SNX27: variants seen among roughly 807,000 people sequenced by gnomAD.
SNX27 encodes sorting nexin 27, also known as sorting nexin-27.
A neutral mutation model predicts 71.6 loss-of-function variants in SNX27; 22 were observed. That is an observed-to-expected ratio of 0.31 (90% CI 0.22 to 0.44). The LOEUF is 0.44. SNX27 is among the 20% of genes least tolerant of loss of function. The pLI is 1.00. For synonymous variants in SNX27, 269 were observed against 277.2 expected, an observed-to-expected ratio of 0.97 and a Z score of 0.29; for missense variants, 531 against 698.6, an observed-to-expected ratio of 0.76 and a Z score of 2.70.
chr1:151,688,799 G>A (rs1353625991), intron 8 of SNX27, among the ~76,000 whole-genome samples: 1 of 152,036 alleles, frequency 6.6e-6, no homozygotes, highest in East Asian at 1.9e-4. Flanking sequence ...TAGTAAGCAT[G>A]ATACTACCTG....
intron 2 of SNX27, among the ~76,000 whole-genome samples, chr1:151,648,307 G>A (rs1669153910): frequency 6.6e-6 from 1 of 152,152 alleles, no homozygotes; most frequent in Admixed American, 6.5e-5. Context: ...CGCCAGCCTT[G>A]GCCACCCAAA....
intron 1 of SNX27, among the ~76,000 whole-genome samples, chr1:151,620,840 C>T (rs1571757398): frequency 6.6e-6 from 1 of 152,018 alleles, no homozygotes; most frequent in Non-Finnish European, 1.5e-5. Flanking sequence ...CAGGTGTGCA[C>T]CACCATGCCC....
intron 2 of SNX27, among the ~76,000 whole-genome samples, chr1:151,650,086 C>T (rs1338028702): frequency 6.6e-6 from 1 of 152,066 alleles, no homozygotes; most frequent in Non-Finnish European, 1.5e-5. Context: ...CAGGGTTTTA[C>T]CATGTTGGTC....
chr1:151,619,450 C>T (rs893520787), intron 1 of SNX27, among the ~76,000 whole-genome samples: 58 of 152,150 alleles, frequency 3.8e-4, no homozygotes, highest in African/African-American at 1.4e-3. Flanking sequence ...TAGGCGTATG[C>T]CACCATGCCC....
rs1047841144 is a variant in SNX27, at chr1:151,612,678, C to T, written c.311+166C>T. Among the ~76,000 whole-genome samples the T allele has an allele frequency of 6.6e-6, 1 of 152,058 alleles. No individual in the cohort carries two copies. Among genetic ancestry groups the T allele is most frequent in the East Asian group, 1.9e-4 (1 of 5,142 alleles). The stretch of plus-strand genomic sequence containing the variant: ...AGCCGGGCCCCTCCTTGTGGGCTGC[C>T]CTCCCACCACCCGCCCCGGGGCTTC... On this transcript the variant is annotated intron_variant, in intron 1 of 11. Coordinates refer to ENST00000458013, the MANE Select transcript of SNX27 (RefSeq NM_001330723.2). This position sits in a 1 kb window ranked among gnomAD's most constrained non-coding sequence, Gnocchi z 5.2.
chr1:151,683,387 A>G lies in SNX27; in HGVS notation c.1181A>G (p.Lys394Arg), dbSNP rs1558073082. 6.2e-7 allele frequency: 1 copy of G among 1,613,818 alleles called. No individual in the cohort carries two copies. Reference protein sequence around the residue: ...AVDDVKKGYIKAEEKSYQLQK... With the variant: ...AVDDVKKGYIRAEEKSYQLQK... Reference sequence around the variant, plus strand: ...GATGATGTGAAGAAAGGTTACATCAAAGCAGAAGAAAAGTCCTATCAATTA... The same window carrying G: ...GATGATGTGAAGAAAGGTTACATCAGAGCAGAAGAAAAGTCCTATCAATTA... The change falls in exon 8 of 12, where the codon AAA becomes AGA. Residue 394 changes from lysine to arginine, a missense_variant. Transcript: ENST00000458013.
intron 1 of SNX27, among the ~76,000 whole-genome samples, chr1:151,631,108 C>T (rs1002472269): frequency 3.9e-5 from 6 of 152,222 alleles, no homozygotes; most frequent in African/African-American, 1.4e-4. Flanking sequence ...AGGAGACAAA[C>T]TGAACCAGTC....
chr1:151,662,163 C>T lies in SNX27; in HGVS notation c.802-3C>T. 2 of 1,609,026 alleles carry T rather than the reference C, an allele frequency of 1.2e-6. No individual in the cohort carries two copies. Among genetic ancestry groups the T allele is most frequent in the Non-Finnish European group, 1.7e-6 (2 of 1,175,900 alleles). On this transcript the variant is annotated splice_region_variant and splice_polypyrimidine_tract_variant and intron_variant, in intron 4 of 11. Transcript: ENST00000458013. The stretch of plus-strand genomic sequence containing the variant: ...AATTATTTCTCTATGTCTTTTCCCC[C>T]AGAACTACAATGGTGTGTCCGACGT...
chr1:151,656,252 A>G (rs544282754), intron 2 of SNX27, among the ~76,000 whole-genome samples: 2 of 151,320 alleles, frequency 1.3e-5, no homozygotes, highest in South Asian at 4.2e-4. Flanking sequence ...AAGACCAGTG[A>G]CAAACTGGAA....
At position 151,665,484 on chromosome 1, in the gene SNX27, A is replaced by G. The variant is rs1446514448; in HGVS notation, c.907-449A>G. ...TATTTTACACTCTAGAATCAAATAT[A>G]TAGTTTTTTTGTGTTAATGTATTAA... On this transcript the variant is annotated intron_variant, in intron 5 of 11. Transcript: ENST00000458013. Among the ~76,000 whole-genome samples the G allele has an allele frequency of 3.9e-5, 6 of 152,206 alleles. No homozygotes were observed. In the South Asian group the frequency reaches 1.0e-3, roughly 26 times the overall value.
chr1:151,643,844 G>T (rs1295400053), intron 2 of SNX27, among the ~76,000 whole-genome samples: 1 of 151,802 alleles, frequency 6.6e-6, no homozygotes. Context: ...ATTTTTAATA[G>T]AGATAGGGTT....
chr1:151,624,187 A>G lies in SNX27; in HGVS notation c.311+11675A>G, dbSNP rs1667810838. Among the ~76,000 whole-genome samples, 3 of 151,954 alleles carry G rather than the reference A, an allele frequency of 2.0e-5. No individual in the cohort carries two copies. In the South Asian group the frequency reaches 6.2e-4, roughly 31 times the overall value. On this transcript the variant is annotated intron_variant, in intron 1 of 11. Coordinates refer to ENST00000458013, the MANE Select transcript of SNX27 (RefSeq NM_001330723.2). ...TGCTATGTTCCCCAGGCTGGTCTCA[A>G]ACTCCTGGGCTCAAGCCGTCCTCCT... is the stretch of plus-strand genomic sequence containing the variant.
At chr1:151,648,001 A>AC (rs933450841) in intron 2 of SNX27, among the ~76,000 whole-genome samples, 36 of 152,168 alleles carry the variant, frequency 2.4e-4, no homozygotes, top group Admixed American at 9.8e-4. Context: ...TTAAAAAAAA[A>AC]AACAACAAAA....
At chr1:151,669,846 A>T (rs1670379663) in intron 7 of SNX27, among the ~76,000 whole-genome samples, 1 of 152,200 alleles carries the variant, frequency 6.6e-6, no homozygotes, top group Non-Finnish European at 1.5e-5. Flanking sequence ...ATCACAGAAA[A>T]TGAGGTATCC....
In SNX27 at chr1:151,695,147, G is replaced by T; in HGVS notation, c.*730G>T. 1 of 152,364 alleles carries T rather than the reference G, an allele frequency of 6.6e-6. No individual in the cohort carries two copies. The allele number at this position is 152,364 out of a possible 1,614,324, so 9.4% of individuals were successfully genotyped here. A position where few individuals can be genotyped will look rare whatever the true frequency, so the allele number is the denominator to read the frequency against. On this transcript the variant is annotated 3_prime_UTR_variant, in exon 12 of 12. Coordinates refer to ENST00000458013, the MANE Select transcript of SNX27 (RefSeq NM_001330723.2). ...TCTTCCAAGAGGGTGCTGGGGAGGA[G>T]AAAGAGGTGTGTTTCTCAAGGTTAA...
At chr1:151,652,991 G>A (rs114185201) in intron 2 of SNX27, among the ~76,000 whole-genome samples, 4 of 146,756 alleles carry the variant, frequency 2.7e-5, no homozygotes, top group Non-Finnish European at 4.5e-5. Flanking sequence ...ACAATGGCTC[G>A]ATCTTGGCCC....
chr1:151,652,445 G>C (rs1226599810), intron 2 of SNX27, among the ~76,000 whole-genome samples: 1 of 125,540 alleles, frequency 8.0e-6, no homozygotes, highest in African/African-American at 3.1e-5. Flanking sequence ...GCCTTGCTCT[G>C]TCACCTAGGC....
chr1:151,617,887 T>G (rs866625576), intron 1 of SNX27, among the ~76,000 whole-genome samples: 2,498 of 150,486 alleles, frequency 0.017, 70 homozygotes, highest in African/African-American at 0.057. Context: ...TGTTTTTTTT[T>G]TTTTTTTTTT....
intron 1 of SNX27, among the ~76,000 whole-genome samples, chr1:151,637,173 T>G (rs144529710): frequency 0.31 from 44,166 of 142,802 alleles, 7,639 homozygotes; most frequent in Middle Eastern, 0.43. Flanking sequence ...TTTTTTTGTT[T>G]TTTTTTTTTG....
Sources: allele counts gnomAD v4.1 joint callset (sites outside exome capture counted in the v4.1 genomes callset), GRCh38; gene constraint gnomAD v4.1.1; non-coding constraint Gnocchi (gnomAD v3.1); transcripts MANE v1.5; gene names NCBI Gene and HGNC (gene_info 2026-07-23, HGNC 2026-07-21).